Variants in EXD1 observed in about 807,000 individuals in gnomAD.
EXD1 encodes piRNA biogenesis protein EXD1.
EXD1 carries 63 observed loss-of-function variants against 49.1 expected under a neutral mutation model. The observed-to-expected ratio is 1.28, with a 90% CI of 1.05 to 1.58. The LOEUF is 1.58. Among genes scored for constraint, EXD1 ranks in the 40% most tolerant of loss-of-function variants. The pLI is 0.00. For synonymous variants in EXD1, 234 were observed against 239.2 expected (o/e 0.98, Z 0.20); for missense variants, 748 against 666.0 (o/e 1.12, Z -1.36).
intron 6 of EXD1, among the ~76,000 whole-genome samples, chr15:41,211,128 G>A (rs941612333): frequency 1.3e-5 from 2 of 152,078 alleles, no homozygotes; most frequent in Non-Finnish European, 2.9e-5. Context: ...CTGGAGTGCA[G>A]ATCATAGCTC....
At chr15:41,219,139 G>A (rs1362382262) in intron 3 of EXD1, among the ~76,000 whole-genome samples, 1 of 152,122 alleles carries the variant, frequency 6.6e-6, no homozygotes, top group East Asian at 1.9e-4. Context: ...TACTTGACAT[G>A]TATGAAGCAC....
intron 3 of EXD1, among the ~76,000 whole-genome samples, chr15:41,217,922 G>C (rs1415495025): frequency 6.6e-6 from 1 of 152,172 alleles, no homozygotes; most frequent in Non-Finnish European, 1.5e-5. Context: ...CTGGAGCAGA[G>C]AAAAGGTAAA....
At position 41,188,625 on chromosome 15, in the gene EXD1, T is replaced by G. The variant is rs184077381; in HGVS notation, c.1056+1312A>C. 3.8e-3 allele frequency among the ~76,000 whole-genome samples: 577 copies of G among 151,990 alleles called. 6 individuals are homozygous for G. Among genetic ancestry groups the G allele is most frequent in the African/African-American group, 0.013 (537 of 41,466 alleles). On this transcript the variant is annotated intron_variant, in intron 11 of 11. Coordinates refer to ENST00000458580, the MANE Select transcript of EXD1 (RefSeq NM_001286441.2). ...CCAGGCTGATCTCAAACTCTTGACCTCAGGTGATCACCAGCCTCGGCCTCC... is the reference window on the plus strand; with the variant it reads ...CCAGGCTGATCTCAAACTCTTGACCGCAGGTGATCACCAGCCTCGGCCTCC...
chr15:41,215,418 G>A (rs2046984435), intron 6 of EXD1, among the ~76,000 whole-genome samples: 1 of 152,130 alleles, frequency 6.6e-6, no homozygotes, highest in Non-Finnish European at 1.5e-5. Flanking sequence ...CGAGCGTGGT[G>A]GCTCATGCCT....
At chr15:41,226,672 T>C in intron 1 of EXD1, 44 bp from the exon 2 acceptor site, 2 of 1,424,130 alleles carry the variant, frequency 1.4e-6, no homozygotes, top group Non-Finnish European at 1.8e-6. Flanking sequence ...AAAGATTTTT[T>C]GGGAGTAAAG....
At chr15:41,199,730 G>GATATATTATTATC (rs1566980606) in intron 7 of EXD1, among the ~76,000 whole-genome samples, 1 of 33,492 alleles carries the variant, frequency 3.0e-5, no homozygotes, top group East Asian at 7.2e-4. Context: ...TATTATATAT[G>GATATATTATTATC]ATATATATGT....
chr15:41,217,165 A>C lies in EXD1; in HGVS notation c.203-11T>G, dbSNP rs940349077. ...CATCTAGTAGTTCCACTGTAAAATA[A>C]CCAAATGGCTTCCAACAGAGTTTCC... is the stretch of plus-strand genomic sequence containing the variant. On this transcript the variant is annotated splice_polypyrimidine_tract_variant and intron_variant, in intron 3 of 11. Transcript: ENST00000458580. 1.2e-6 allele frequency: 2 copies of C among 1,611,082 alleles called. No individual in the cohort carries two copies. The highest frequency in any genetic ancestry group is 2.2e-5 in the East Asian group (1 of 44,858).
intron 7 of EXD1, among the ~76,000 whole-genome samples, chr15:41,201,012 T>A (rs2074754976): frequency 6.6e-6 from 1 of 151,884 alleles, no homozygotes; most frequent in Non-Finnish European, 1.5e-5. Context: ...TAGTTGGGGT[T>A]ACAGGTACGT....
chr15:41,185,251 G>A (rs2046390291), intron 11 of EXD1, among the ~76,000 whole-genome samples: 1 of 99,610 alleles, frequency 1.0e-5, no homozygotes, highest in African/African-American at 3.7e-5. Context: ...ACTCATGTAT[G>A]ATCATATACA....
At chr15:41,196,145 T>TTTAC in intron 7 of EXD1, 108 bp from the exon 8 acceptor site, 1 of 706,554 alleles carries the variant, frequency 1.4e-6, no homozygotes, top group Non-Finnish European at 2.2e-6. Context: ...ACATCTTCAC[T>TTTAC]TTATTTATTT....
chr15:41,230,567 G>A lies in EXD1; in HGVS notation c.-142C>T. The A allele has an allele frequency of 1.2e-6, 2 of 1,613,628 alleles. No individual in the cohort carries two copies. The highest frequency in any genetic ancestry group is 2.2e-5 in the South Asian group (2 of 91,054). On this transcript the variant is annotated 5_prime_UTR_variant, in exon 1 of 12. Coordinates refer to ENST00000458580, the MANE Select transcript of EXD1 (RefSeq NM_001286441.2). ...ATCTGGATCCTAATTTCAGCCAAGT[G>A]GTGCGTTCCTCGAACTTCAGTCTAG...
intron 11 of EXD1, among the ~76,000 whole-genome samples, chr15:41,187,471 G>A (rs1015135873): frequency 6.6e-6 from 1 of 152,174 alleles, no homozygotes; most frequent in African/African-American, 2.4e-5. Flanking sequence ...ATGGGGGGAT[G>A]TTGGAACCAA....
In EXD1 at chr15:41,184,089, T is replaced by C. The variant is rs185697361; in HGVS notation, c.1561A>G (p.Lys521Glu). The change falls in exon 12 of 12, where the codon AAA becomes GAA. Residue 521 changes from lysine to glutamate, a missense_variant. Lys to Glu is a moderately conservative substitution (Grantham distance 56, BLOSUM62 1). Transcript: ENST00000458580. ...VENKEDLKCTKQAVSMSSFPQ... is the reference protein window; with the variant it reads ...VENKEDLKCTEQAVSMSSFPQ... ...AAGGAAGACATTGAAACAGCCTGTT[T>C]TGTGCATTTTAAATCTTCCTTGTTT... The C allele has an allele frequency of 6.4e-5, 104 of 1,614,218 alleles. 1 individual carries two copies. The East Asian group carries it at 7.1e-4, about 11-fold the overall frequency.
At chr15:41,218,549 T>C (rs989077014) in intron 3 of EXD1, among the ~76,000 whole-genome samples, 5 of 148,086 alleles carry the variant, frequency 3.4e-5, no homozygotes, top group Non-Finnish European at 7.4e-5. Flanking sequence ...TAGGAGGCAA[T>C]GAATTCCGTG....
In EXD1 at chr15:41,192,594, A is replaced by ATTTTTTTTT. The variant is rs59054803; in HGVS notation, c.721-1018_721-1010dup. Among the ~76,000 whole-genome samples, 9 of 40,874 alleles carry ATTTTTTTTT rather than the reference A, an allele frequency of 2.2e-4. 3 individuals are homozygous for ATTTTTTTTT. The highest frequency in any genetic ancestry group is 2.2e-4 in the African/African-American group (3 of 13,494). The allele number at this position is 40,874 out of a possible 152,430, so 26.8% of individuals were successfully genotyped here. A position where few individuals can be genotyped will look rare whatever the true frequency, so the allele number is the denominator to read the frequency against. ...ACAGGCGTGAACCACTGCGCCAGGC[A>ATTTTTTTTT]TTTTTTTTTTTTTTTTTTTTTTTTT... On this transcript the variant is annotated intron_variant, in intron 9 of 11. Coordinates refer to ENST00000458580, the MANE Select transcript of EXD1 (RefSeq NM_001286441.2).
At chr15:41,223,016 T>G (rs79636608) in intron 2 of EXD1, among the ~76,000 whole-genome samples, 16,286 of 149,648 alleles carry the variant, frequency 0.11, 1,240 homozygotes, top group East Asian at 0.21. Flanking sequence ...AGGAGCACAA[T>G]CATAGCTCAC....
chr15:41,202,530 C>T (rs1427831301), intron 7 of EXD1, among the ~76,000 whole-genome samples: 1 of 152,022 alleles, frequency 6.6e-6, no homozygotes, highest in African/African-American at 2.4e-5. Flanking sequence ...AATGCAGTGG[C>T]GCAGCCATAG....
At chr15:41,195,707 C>A in intron 9 of EXD1, 68 bp downstream of exon 9, 1 of 1,193,986 alleles carries the variant, frequency 8.4e-7, no homozygotes, top group African/African-American at 1.6e-5. Flanking sequence ...CATCAGATGA[C>A]CAGATGAGCC....
intron 7 of EXD1, among the ~76,000 whole-genome samples, chr15:41,208,962 G>C (rs1248575782): frequency 1.3e-5 from 2 of 149,682 alleles, no homozygotes; most frequent in African/African-American, 5.0e-5. Context: ...GGCTTTAACA[G>C]CGAACCTATT....
Sources: gnomAD v4.1 joint callset for allele counts (sites outside exome capture counted in the v4.1 genomes callset) on GRCh38, gnomAD v4.1.1 for gene constraint, MANE v1.5 for transcripts, NCBI Gene and HGNC (gene_info 2026-07-23, HGNC 2026-07-21) for gene names.